The following NEBL variants were observed in gnomAD, a reference collection of about 807,000 sequenced individuals.
The protein encoded by NEBL is LIM and SH3 protein 2.
In NEBL, 122 loss-of-function variants were observed where a neutral mutation model predicts 140.2. That is an observed-to-expected ratio of 0.87 (90% confidence interval 0.75 to 1.01). The LOEUF is 1.01. NEBL is among the 50% of genes least tolerant of loss of function. The probability of loss-of-function intolerance (pLI) is 0.00; values close to 1 mark genes in which losing one functional copy is unlikely to be tolerated. For synonymous variants in NEBL, 436 were observed against 398.9 expected (o/e 1.09, Z -1.11); for missense variants, 1,365 against 1,231.3 (o/e 1.11, Z -1.62).
chr10:20,894,945 A>T (rs1270050197), intron 2 of NEBL, among the ~76,000 whole-genome samples: 1 of 151,442 alleles, frequency 6.6e-6, no homozygotes, highest in Non-Finnish European at 1.5e-5. Context: ...AAAAAAAAAA[A>T]AAAAATTAAG....
intron 4 of NEBL, among the ~76,000 whole-genome samples, chr10:20,937,975 A>C (rs1056129915): frequency 6.6e-6 from 1 of 152,204 alleles, no homozygotes; most frequent in African/African-American, 2.4e-5. Context: ...CCTCAGCTCA[A>C]GGAGGCCTGC....
rs879381766 is a variant in NEBL at position 20,963,006 on chromosome 10, ACAC to A, written c.250-1230_250-1228del. Among the ~76,000 whole-genome samples, 53 of 14,096 alleles carry A rather than the reference ACAC, an allele frequency of 3.8e-3. No individual in the cohort carries two copies. The Admixed American group carries it at 0.05, about 13-fold the overall frequency. 9.2% of individuals were successfully genotyped at this position (14,096 alleles called of 152,430 possible). A position where few individuals can be genotyped will look rare whatever the true frequency, so the allele number is the denominator to read the frequency against. Reference sequence around the variant, plus strand: ...TACCAGACAAGCTTGAAAGAAAAACACACACACACACACACACACACACACACA... The same window carrying A: ...TACCAGACAAGCTTGAAAGAAAAACAACACACACACACACACACACACACA... On this transcript the variant is annotated intron_variant, in intron 3 of 6. Transcript: ENST00000417816.
At chr10:20,842,036 T>G (rs893768949) in intron 12 of NEBL, among the ~76,000 whole-genome samples, 2 of 152,120 alleles carry the variant, frequency 1.3e-5, no homozygotes, top group East Asian at 3.9e-4. Flanking sequence ...CTTATTCCTA[T>G]TCAACTAAGT....
chr10:20,961,154 T>A (rs1836033524), intron 4 of NEBL, among the ~76,000 whole-genome samples: 1 of 152,178 alleles, frequency 6.6e-6, no homozygotes, highest in Non-Finnish European at 1.5e-5. Context: ...TAGTCTCCAT[T>A]TTCTCTTTTG....
At chr10:21,181,217 C>T (rs991819420) in intron 3 of NEBL, among the ~76,000 whole-genome samples, 8 of 150,724 alleles carry the variant, frequency 5.3e-5, no homozygotes, top group Non-Finnish European at 8.8e-5. Flanking sequence ...AAGCCAAGAT[C>T]GGGCCATTGC....
At chr10:21,180,773 C>T (rs1001294391) in intron 3 of NEBL, among the ~76,000 whole-genome samples, 2 of 152,162 alleles carry the variant, frequency 1.3e-5, no homozygotes, top group East Asian at 1.9e-4. Flanking sequence ...AATGCCACTG[C>T]CTTAGCTAAG....
intron 25 of NEBL, among the ~76,000 whole-genome samples, chr10:20,808,988 C>G (rs887750716): frequency 2.0e-5 from 3 of 152,256 alleles, no homozygotes; most frequent in Middle Eastern, 3.4e-3. Flanking sequence ...TTTAAACTAT[C>G]ACCAGATATA....
chr10:21,186,291 C>CACACAT (rs1267535966), intron 3 of NEBL, among the ~76,000 whole-genome samples: 2 of 151,684 alleles, frequency 1.3e-5, no homozygotes, highest in African/African-American at 4.8e-5. Flanking sequence ...CACACACACA[C>CACACAT]ACACACACAT....
chr10:20,859,653 T>A (rs899780860), intron 8 of NEBL, 60 bp downstream of exon 8: 12 of 1,138,802 alleles, frequency 1.1e-5, no homozygotes, highest in Non-Finnish European at 1.5e-5. Context: ...ACACAGTCGA[T>A]TCTAAAAAAA....
Position 21,148,932 on chromosome 10 carries a change from C to G in NEBL, c.164+23451G>C, listed in dbSNP as rs190927291. On this transcript the variant is annotated intron_variant, in intron 2 of 6. Transcript: ENST00000417816. ...TTCCATAAAGAAATTCTCTGATGTC[C>G]ATTGTCTGACTGTGGGTCACAAGAC... Among the ~76,000 whole-genome samples, 1,259 of 152,256 alleles carry G rather than the reference C, an allele frequency of 8.3e-3. 11 individuals are homozygous for G. Among genetic ancestry groups the G allele is most frequent in the Non-Finnish European group, 0.013 (898 of 68,016 alleles).
At chr10:20,971,214 C>T (rs978872592) in intron 3 of NEBL, among the ~76,000 whole-genome samples, 1 of 152,090 alleles carries the variant, frequency 6.6e-6, no homozygotes, top group Non-Finnish European at 1.5e-5. Context: ...GGCAAAAATA[C>T]TAATTCAAGG....
chr10:21,048,636 G>T (rs1012302901), intron 2 of NEBL, among the ~76,000 whole-genome samples: 1 of 152,074 alleles, frequency 6.6e-6, no homozygotes, highest in Non-Finnish European at 1.5e-5. Flanking sequence ...ACATAATTGT[G>T]GGGGCTGGCA....
At chr10:21,006,477 C>G (rs1249158249) in intron 3 of NEBL, among the ~76,000 whole-genome samples, 3 of 152,132 alleles carry the variant, frequency 2.0e-5, no homozygotes, top group Admixed American at 6.5e-5. Flanking sequence ...TGTGACAATG[C>G]CACCACTCTC....
At chr10:21,160,222 C>T (rs1036633523) in intron 2 of NEBL, among the ~76,000 whole-genome samples, 5 of 152,124 alleles carry the variant, frequency 3.3e-5, no homozygotes, top group Admixed American at 6.5e-5. Flanking sequence ...TTTCTTTCAA[C>T]GTCTGCCAAA....
chr10:20,930,826 A>G (rs1173018556), intron 4 of NEBL, among the ~76,000 whole-genome samples: 1 of 152,202 alleles, frequency 6.6e-6, no homozygotes, highest in African/African-American at 2.4e-5. Flanking sequence ...CCCATACCAT[A>G]AGGTTTGCCT....
intron 4 of NEBL, among the ~76,000 whole-genome samples, chr10:20,903,125 T>C (rs914442335): frequency 6.6e-6 from 1 of 152,196 alleles, no homozygotes; most frequent in African/African-American, 2.4e-5. Flanking sequence ...AAAGTGCAGA[T>C]AGTATCAAAC....
intron 2 of NEBL, among the ~76,000 whole-genome samples, chr10:21,102,826 T>G (rs1320832581): frequency 6.6e-6 from 1 of 151,878 alleles, no homozygotes; most frequent in Non-Finnish European, 1.5e-5. Flanking sequence ...TGTTTGTTTG[T>G]TTTATTTTTA....
chr10:20,813,874 G>T, intron 23 of NEBL, 65 bp downstream of exon 23: 1 of 1,027,690 alleles, frequency 9.7e-7, no homozygotes, highest in Non-Finnish European at 1.5e-6. Flanking sequence ...GTGAAGTAAT[G>T]CCATCCGTGC....
intron 3 of NEBL, among the ~76,000 whole-genome samples, chr10:21,238,716 T>TAAAAAAAAAA (rs35732687): frequency 1.3e-3 from 123 of 94,286 alleles, no homozygotes; most frequent in Non-Finnish European, 2.0e-3. Context: ...TCAAAAAAAT[T>TAAAAAAAAAA]AAAAAAAAAA....
Sources: gnomAD v4.1 joint callset for allele counts (sites outside exome capture counted in the v4.1 genomes callset) on GRCh38, gnomAD v4.1.1 for gene constraint, MANE v1.5 for transcripts, NCBI Gene and HGNC (gene_info 2026-07-23, HGNC 2026-07-21) for gene names.